EDA: variants seen among roughly 807,000 people sequenced by gnomAD.
EDA encodes ectodysplasin-A.
A neutral mutation model predicts 23.6 loss-of-function variants in EDA; 2 were observed. The observed-to-expected ratio is 0.08, with a 90% CI of 0.03 to 0.27. EDA has a LOEUF of 0.27. Ranked by LOEUF, EDA falls within the 10% of genes least tolerant of loss-of-function variation. The pLI, the probability that EDA is intolerant of heterozygous loss-of-function variation, is 1.00. For missense variants in EDA, 229 were observed against 324.2 expected (o/e 0.71, Z 2.26); for synonymous variants, 131 against 132.0 (o/e 0.99, Z 0.05).
chrX:69,627,073 G>A (rs1396975403), intron 1 of EDA, among the ~76,000 whole-genome samples: 3 of 111,331 alleles, frequency 2.7e-5, no homozygotes, highest in Non-Finnish European at 3.8e-5. Flanking sequence ...GAGTCTAGTC[G>A]TATATAATTT....
In EDA at chrX:69,677,015, T is replaced by G. The variant is rs1205669679; in HGVS notation, c.396+60311T>G. ...CACAACTGGCCCCAGAGTGTGATGT[T>G]CCCCTTCCTGTGTCCATGTGTTCTC... On this transcript the variant is annotated intron_variant, in intron 1 of 7. Transcript: ENST00000374552. 3.5e-5 allele frequency among the ~76,000 whole-genome samples: 3 copies of G among 86,103 alleles called. No individual in the cohort carries two copies. In the East Asian group the frequency reaches 1.3e-3, roughly 36 times the overall value. The allele number at this position is 86,103 out of a possible 115,157, so 74.8% of individuals were successfully genotyped here. A position where few individuals can be genotyped will look rare whatever the true frequency, so the allele number is the denominator to read the frequency against.
At chrX:69,907,055 G>T (rs2018189619) in intron 1 of EDA, among the ~76,000 whole-genome samples, 1 of 111,695 alleles carries the variant, frequency 9.0e-6, no homozygotes, top group African/African-American at 3.3e-5. Context: ...CACCTTGGGA[G>T]AAAGTGAGTG....
chrX:69,682,379 C>T (rs1328066173), intron 1 of EDA, among the ~76,000 whole-genome samples: 1 of 112,791 alleles, frequency 8.9e-6, no homozygotes, highest in African/African-American at 3.2e-5. Flanking sequence ...GCTTTGTTCA[C>T]CTAAGCAAGC....
At chrX:69,754,987 G>T (rs936862381) in intron 1 of EDA, among the ~76,000 whole-genome samples, 1 of 111,503 alleles carries the variant, frequency 9.0e-6, no homozygotes, top group Non-Finnish European at 1.9e-5. Flanking sequence ...GCTTCTTTGC[G>T]ATGGGTTTGA....
intron 1 of EDA, among the ~76,000 whole-genome samples, chrX:69,872,344 AAAAC>A (rs2017578530): frequency 2.7e-5 from 3 of 112,072 alleles, no homozygotes; most frequent in African/African-American, 9.7e-5. Context: ...CACAAACAAA[AAAAC>A]AAAGTATTCA....
At chrX:69,766,827 C>A (rs754383792) in intron 1 of EDA, among the ~76,000 whole-genome samples, 2 of 112,280 alleles carry the variant, frequency 1.8e-5, no homozygotes, top group Non-Finnish European at 3.8e-5. Flanking sequence ...ACTACTGGAT[C>A]GAATGGTAGT....
intron 1 of EDA, among the ~76,000 whole-genome samples, chrX:69,895,880 C>G (rs973155031): frequency 8.9e-6 from 1 of 112,402 alleles, no homozygotes; most frequent in Non-Finnish European, 1.9e-5. Flanking sequence ...CAAGTCTATT[C>G]TCTTTTAAAT....
At chrX:69,751,423 G>A (rs776162806) in intron 1 of EDA, among the ~76,000 whole-genome samples, 45 of 112,099 alleles carry the variant, frequency 4.0e-4, no homozygotes, top group Non-Finnish European at 6.2e-4. Flanking sequence ...TTTTGGTTAC[G>A]GTGGCCTTGT....
intron 1 of EDA, among the ~76,000 whole-genome samples, chrX:69,804,121 T>C (rs2015759722): frequency 9.0e-6 from 1 of 110,917 alleles, no homozygotes; most frequent in Non-Finnish European, 1.9e-5. Flanking sequence ...GCAGTAAACA[T>C]GGGGGTGCAG....
chrX:69,689,781 A>G (rs1173688089), intron 1 of EDA, among the ~76,000 whole-genome samples: 1 of 111,622 alleles, frequency 9.0e-6, no homozygotes, highest in African/African-American at 3.3e-5. Context: ...AACAATATTA[A>G]GTCCTCTAGT....
At chrX:69,980,831 TAG>T (rs1164610659) in intron 2 of EDA, among the ~76,000 whole-genome samples, 1 of 112,067 alleles carries the variant, frequency 8.9e-6, no homozygotes, top group Non-Finnish European at 1.9e-5. Flanking sequence ...ATAACTTGAG[TAG>T]AGTTACAGGT....
At chrX:69,776,641 A>T (rs1441812601) in intron 1 of EDA, among the ~76,000 whole-genome samples, 7 of 111,276 alleles carry the variant, frequency 6.3e-5, no homozygotes, top group Admixed American at 2.9e-4. Context: ...ACAGAAATGC[A>T]TAGCCCTGAA....
At chrX:70,014,083 C>T (rs1313578841) in intron 2 of EDA, among the ~76,000 whole-genome samples, 2 of 112,198 alleles carry the variant, frequency 1.8e-5, no homozygotes, top group Non-Finnish European at 3.8e-5. Flanking sequence ...AGTCCCCAAG[C>T]TGGGGAGGGA....
intron 1 of EDA, among the ~76,000 whole-genome samples, chrX:69,769,092 A>G (rs2014553466): frequency 9.0e-6 from 1 of 111,510 alleles, no homozygotes. Flanking sequence ...GACTTGTTTC[A>G]TGGCCCAGAG....
At chrX:69,989,782 A>G (rs1384011201) in intron 2 of EDA, among the ~76,000 whole-genome samples, 2 of 110,084 alleles carry the variant, frequency 1.8e-5, no homozygotes, top group South Asian at 3.9e-4. Context: ...AACAGAATCC[A>G]TAAACTTGAG....
At chrX:69,670,707 G>A (rs1411685215) in intron 1 of EDA, among the ~76,000 whole-genome samples, 3 of 107,051 alleles carry the variant, frequency 2.8e-5, no homozygotes, top group African/African-American at 6.8e-5. Flanking sequence ...TCTCTCTATT[G>A]TATTTTTTTA....
chrX:69,898,570 G>A (rs1296182895), intron 1 of EDA, among the ~76,000 whole-genome samples: 2 of 111,625 alleles, frequency 1.8e-5, no homozygotes, highest in Non-Finnish European at 3.8e-5. Flanking sequence ...GTGACAGAGC[G>A]AGACTCCGTC....
chrX:69,695,893 G>A (rs1404758349), intron 1 of EDA, among the ~76,000 whole-genome samples: 2 of 110,813 alleles, frequency 1.8e-5, no homozygotes, highest in African/African-American at 6.6e-5. Flanking sequence ...TTGTTTCCTA[G>A]GCCAGTTACC....
At chrX:69,772,385 A>T (rs1365356637) in intron 1 of EDA, among the ~76,000 whole-genome samples, 1 of 112,498 alleles carries the variant, frequency 8.9e-6, no homozygotes, top group Non-Finnish European at 1.9e-5. Context: ...AATAAGACCC[A>T]TTTATAATGA....
Sources: allele counts gnomAD v4.1 joint callset (sites outside exome capture counted in the v4.1 genomes callset), GRCh38; gene constraint gnomAD v4.1.1; transcripts MANE v1.5; gene names NCBI Gene and HGNC (gene_info 2026-07-23, HGNC 2026-07-21).